ANKS6: variants seen among roughly 807,000 people sequenced by gnomAD.
ANKS6 encodes the protein ankyrin repeat and sterile alpha motif domain containing 6.
A neutral mutation model predicts 77.9 loss-of-function variants in ANKS6; 47 were observed. That is an observed-to-expected ratio of 0.60 (90% confidence interval 0.48 to 0.77). The LOEUF (loss-of-function observed/expected upper bound fraction) is 0.77. Ranked by LOEUF, ANKS6 falls within the 30% of genes least tolerant of loss-of-function variation. ANKS6 has a pLI of 0.00. For missense variants in ANKS6, 1,150 were observed against 1,159.1 expected, an observed-to-expected ratio of 0.99 and a Z score of 0.11; for synonymous variants, 488 against 501.7, an observed-to-expected ratio of 0.97 and a Z score of 0.37.
rs1378449926 is a variant in ANKS6, at chr9:98,791,343, C to T, written c.360-737G>A. Among the ~76,000 whole-genome samples the T allele has an allele frequency of 6.6e-6, 1 of 152,226 alleles. No homozygotes were observed. Among genetic ancestry groups the T allele is most frequent in the African/African-American group, 2.4e-5 (1 of 41,456 alleles). Reference sequence around the variant, plus strand: ...TTGCGGCCTGGAGGCCTGCTGCCACCTGCTGGCAGGAATGTTTGTTGCAGG... The same window carrying T: ...TTGCGGCCTGGAGGCCTGCTGCCACTTGCTGGCAGGAATGTTTGTTGCAGG... On this transcript the variant is annotated intron_variant, in intron 1 of 14. Coordinates refer to ENST00000353234, the MANE Select transcript of ANKS6 (RefSeq NM_173551.5). This position sits in a 1 kb window ranked among gnomAD's most constrained non-coding sequence, Gnocchi z 4.3.
chr9:98,776,165 C>A (rs1833907847), intron 8 of ANKS6, among the ~76,000 whole-genome samples: 1 of 152,166 alleles, frequency 6.6e-6, no homozygotes, highest in Non-Finnish European at 1.5e-5. Flanking sequence ...CACCACGGAG[C>A]TTATTCTGGG....
At chr9:98,795,870 G>A in intron 1 of ANKS6, 1 of 335,016 alleles carries the variant, frequency 3.0e-6, no homozygotes, top group East Asian at 4.5e-5. Context: ...AATCTCTAAG[G>A]TTCTAAGTCT....
chr9:98,774,002 T>C lies in ANKS6; in HGVS notation c.1696A>G (p.Ser566Gly). Residue 566 changes from serine to glycine, a missense_variant, in exon 9 of 15, where the codon AGT becomes GGT. Ser to Gly is a moderately conservative substitution (Grantham distance 56). Coordinates refer to ENST00000353234, the MANE Select transcript of ANKS6 (RefSeq NM_173551.5). Reference protein sequence around the residue: ...AVIPPFLPPSSFELWSSDRSR... With the variant: ...AVIPPFLPPSGFELWSSDRSR... ...CGATCAGAGCTCCACAGCTCAAAAC[T>C]GGAAGGGGGTAGGAATGGGGGGATG... The C allele has an allele frequency of 2.7e-6, 4 of 1,490,294 alleles. No individual in the cohort carries two copies. The highest frequency in any genetic ancestry group is 3.6e-6 in the Non-Finnish European group (4 of 1,107,426). 92.3% of individuals were successfully genotyped at this position (1,490,294 alleles called of 1,614,324 possible).
Position 98,732,726 on chromosome 9 carries a change from T to C in ANKS6, c.*3793A>G. 1 of 1,438,994 alleles carries C rather than the reference T, an allele frequency of 6.9e-7. No homozygotes were observed. The allele number at this position is 1,438,994 out of a possible 1,614,324, so 89.1% of individuals were successfully genotyped here. On this transcript the variant is annotated 3_prime_UTR_variant, in exon 15 of 15. Transcript: ENST00000353234. ...ATCCCCCTGTAACCAAAAGGGAAAC[T>C]GGGACTCAAAGGGAAGAAGAAACGT... is the stretch of plus-strand genomic sequence containing the variant.
Position 98,734,988 on chromosome 9 carries a change from G to C in ANKS6, c.*1531C>G. On this transcript the variant is annotated 3_prime_UTR_variant, in exon 15 of 15. Coordinates refer to ENST00000353234, the MANE Select transcript of ANKS6 (RefSeq NM_173551.5). ...ACGAGGCTCTGGGCAGTAAGTTAAC[G>C]ACAGCCTCTGAAAGCCAGCATAGGG... The C allele has an allele frequency of 1.0e-6, 1 of 985,452 alleles. No homozygotes were observed. Among genetic ancestry groups the C allele is most frequent in the Non-Finnish European group, 1.2e-6 (1 of 829,942 alleles). 61.0% of individuals were successfully genotyped at this position (985,452 alleles called of 1,614,324 possible).
intron 1 of ANKS6, among the ~76,000 whole-genome samples, chr9:98,794,487 C>T (rs1341282389): frequency 1.3e-5 from 2 of 152,158 alleles, no homozygotes; most frequent in East Asian, 3.8e-4. Context: ...TCAACTTGAC[C>T]TTTTCTTATG....
chr9:98,782,465 A>C lies in ANKS6; in HGVS notation c.1219+2T>G. On this transcript the variant is annotated splice_donor_variant, in intron 5 of 14. Coordinates refer to ENST00000353234, the MANE Select transcript of ANKS6 (RefSeq NM_173551.5). LOFTEE classifies it high-confidence loss of function. ...TACAACCCTTTTCTTGAAATTACCT[A>C]CCGGGATCATTCAGCAGCATCACCA... The C allele has an allele frequency of 1.2e-6, 2 of 1,613,076 alleles. No individual in the cohort carries two copies. Among genetic ancestry groups the C allele is most frequent in the Non-Finnish European group, 1.7e-6 (2 of 1,179,124 alleles).
chr9:98,768,953 C>A (rs1833468336), intron 10 of ANKS6, among the ~76,000 whole-genome samples: 1 of 152,042 alleles, frequency 6.6e-6, no homozygotes, highest in Non-Finnish European at 1.5e-5. Context: ...TGGTGAAACC[C>A]TGTCTCTACT....
At chr9:98,745,051 T>C (rs1352695590) in intron 14 of ANKS6, among the ~76,000 whole-genome samples, 1 of 152,228 alleles carries the variant, frequency 6.6e-6, no homozygotes, top group Non-Finnish European at 1.5e-5. Flanking sequence ...CTGATATTTT[T>C]AGCTTTAAAG....
chr9:98,752,007 G>A (rs993215805), intron 12 of ANKS6, among the ~76,000 whole-genome samples: 2 of 152,152 alleles, frequency 1.3e-5, no homozygotes, highest in Non-Finnish European at 2.9e-5. Context: ...GATCACTTGT[G>A]CCCAGGAGTT....
intron 11 of ANKS6, among the ~76,000 whole-genome samples, chr9:98,760,381 GCTCAACC>G (rs1318339587): frequency 6.6e-6 from 1 of 152,110 alleles, no homozygotes; most frequent in Non-Finnish European, 1.5e-5. Flanking sequence ...AGAGTGAAAG[GCTCAACC>G]CTCTAATCCT....
rs1833978318 is a variant in ANKS6, at chr9:98,777,445, C to T, written c.1577G>A (p.Ser526Asn). ...CGTGTCTTCCTTTTCTCCTCTTGTG[C>T]TCCCAGGACCTGAGAGACAAATGGA... ...APVTKDNGPG[S>N]TRGEKEDTLL... is the part of the protein sequence containing the mutation. The change falls in exon 8 of 15, where the codon AGC becomes AAC. Residue 526 changes from serine to asparagine, a missense_variant. Transcript: ENST00000353234. The T allele has an allele frequency of 6.2e-7, 1 of 1,614,094 alleles. No individual in the cohort carries two copies. Among genetic ancestry groups the T allele is most frequent in the South Asian group, 1.1e-5 (1 of 91,090 alleles).
chr9:98,757,734 C>A (rs1157797133), intron 11 of ANKS6, among the ~76,000 whole-genome samples: 2 of 152,056 alleles, frequency 1.3e-5, no homozygotes, highest in Non-Finnish European at 2.9e-5. Context: ...CAAGAGCAGC[C>A]TAGCCAATAT....
chr9:98,736,739 T>C, intron 14 of ANKS6, 116 bp from the exon 15 acceptor site: 1 of 1,311,400 alleles, frequency 7.6e-7, no homozygotes, highest in South Asian at 1.3e-5. Flanking sequence ...ATGGGCGTCT[T>C]GGGGAAAATA....
At chr9:98,750,691 T>C (rs538052610) in intron 13 of ANKS6, among the ~76,000 whole-genome samples, 74 of 152,312 alleles carry the variant, frequency 4.9e-4, no homozygotes, top group African/African-American at 1.7e-3. Flanking sequence ...TCCAGACACA[T>C]AACACAGGTT....
chr9:98,785,961 A>G (rs1353775484), intron 2 of ANKS6, among the ~76,000 whole-genome samples: 2 of 152,182 alleles, frequency 1.3e-5, no homozygotes, highest in Non-Finnish European at 2.9e-5. Context: ...TACTTTCTTT[A>G]GCAACCAGCA....
At chr9:98,764,397 G>C (rs985425787) in intron 11 of ANKS6, among the ~76,000 whole-genome samples, 1 of 152,136 alleles carries the variant, frequency 6.6e-6, no homozygotes, top group African/African-American at 2.4e-5. Context: ...TCATTAATTT[G>C]AGAAAATTCT....
At chr9:98,768,803 G>C (rs1268593377) in intron 10 of ANKS6, among the ~76,000 whole-genome samples, 1 of 152,084 alleles carries the variant, frequency 6.6e-6, no homozygotes, top group Non-Finnish European at 1.5e-5. Flanking sequence ...CCCTCACCCT[G>C]CTTCCCAAAT....
chr9:98,794,536 G>T (rs567202730), intron 1 of ANKS6, among the ~76,000 whole-genome samples: 1 of 152,132 alleles, frequency 6.6e-6, no homozygotes, highest in Admixed American at 6.5e-5. Context: ...CTCAACACAG[G>T]CAGAGATGCT....
Sources: allele counts gnomAD v4.1 joint callset (sites outside exome capture counted in the v4.1 genomes callset), GRCh38; gene constraint gnomAD v4.1.1; non-coding constraint Gnocchi (gnomAD v3.1); transcripts MANE v1.5; gene names NCBI Gene and HGNC (gene_info 2026-07-23, HGNC 2026-07-21).